RETREG1: variants seen among roughly 807,000 people sequenced by gnomAD.
RETREG1 encodes the protein family with sequence similarity 134 member B.
In RETREG1, 44 loss-of-function variants were observed where a neutral mutation model predicts 54.8. The observed-to-expected ratio is 0.80, with a 90% CI of 0.63 to 1.03. The LOEUF is 1.03. Among genes scored for constraint, RETREG1 ranks in the 50% least tolerant of loss-of-function variants. The pLI is 0.00. For synonymous variants in RETREG1, 217 were observed against 238.5 expected (o/e 0.91, Z 0.83); for missense variants, 554 against 605.1 (o/e 0.92, Z 0.89).
chr5:16,528,042 C>T (rs1460327596), intron 3 of RETREG1, among the ~76,000 whole-genome samples: 1 of 151,870 alleles, frequency 6.6e-6, no homozygotes, highest in Admixed American at 6.6e-5. Flanking sequence ...ATCTCTTGAC[C>T]TCGTGATCCG....
chr5:16,532,721 T>A (rs1740949317), intron 3 of RETREG1, among the ~76,000 whole-genome samples: 1 of 152,222 alleles, frequency 6.6e-6, no homozygotes, highest in Non-Finnish European at 1.5e-5. Context: ...CAAGCTAGGT[T>A]CCTTCATTGT....
At chr5:16,567,813 TA>T (rs1742058993) in intron 2 of RETREG1, among the ~76,000 whole-genome samples, 1 of 151,802 alleles carries the variant, frequency 6.6e-6, no homozygotes, top group Non-Finnish European at 1.5e-5. Flanking sequence ...AAAAGAAAAT[TA>T]GCCAAGTGTG....
At chr5:16,531,601 T>C (rs1461504060) in intron 3 of RETREG1, among the ~76,000 whole-genome samples, 1 of 151,988 alleles carries the variant, frequency 6.6e-6, no homozygotes, top group African/African-American at 2.4e-5. Flanking sequence ...CTTGGAGGTC[T>C]GGGGGGTGGC....
chr5:16,542,498 A>C (rs1403201751), intron 3 of RETREG1, among the ~76,000 whole-genome samples: 2 of 152,328 alleles, frequency 1.3e-5, no homozygotes, highest in East Asian at 3.9e-4. Flanking sequence ...TTTTCCTCCA[A>C]CCAACCACCT....
chr5:16,475,125 G>T lies in RETREG1; in HGVS notation c.1110C>A (p.Pro370=). 1 of 1,613,896 alleles carries T rather than the reference G, an allele frequency of 6.2e-7. No homozygotes were observed. The highest frequency in any genetic ancestry group is 1.7e-5 in the Admixed American group (1 of 59,932). ...NDEDELSLGL[P]TELKRKKEQL... Reference sequence around the variant, plus strand: ...GTTCCTTCTTTCTCTTGAGCTCAGTGGGCAAACCAAGGCTTAATTCATCTT... The same window carrying T: ...GTTCCTTCTTTCTCTTGAGCTCAGTTGGCAAACCAAGGCTTAATTCATCTT... The change falls in exon 9 of 9, where the codon CCC becomes CCA. Residue 370 remains proline, a synonymous_variant. Transcript: ENST00000306320.
chr5:16,577,125 A>T (rs1401714943), intron 1 of RETREG1, among the ~76,000 whole-genome samples: 1 of 152,038 alleles, frequency 6.6e-6, no homozygotes, highest in African/African-American at 2.4e-5. Context: ...AGTGTCCTGG[A>T]CCCTTATAGG....
At position 16,569,660 on chromosome 5, in the gene RETREG1, G is replaced by T. The variant is rs188088793; in HGVS notation, c.427+2336C>A. Among the ~76,000 whole-genome samples, 75 of 152,348 alleles carry T rather than the reference G, an allele frequency of 4.9e-4. 2 individuals carry two copies. The highest frequency in any genetic ancestry group is 4.3e-3 in the Admixed American group (66 of 15,306). The stretch of plus-strand genomic sequence containing the variant: ...CCATTTCACAGGACAGAGAGGTTCA[G>T]ATGGTATAGGAGGCTGACTCATAGC... On this transcript the variant is annotated intron_variant, in intron 2 of 8. Transcript: ENST00000306320.
chr5:16,525,012 A>C (rs1038580450), intron 3 of RETREG1, among the ~76,000 whole-genome samples: 1 of 151,638 alleles, frequency 6.6e-6, no homozygotes, highest in African/African-American at 2.4e-5. Context: ...CTGCAGGTGG[A>C]TGTGCGTGGG....
At chr5:16,489,044 C>T (rs1304093529) in intron 3 of RETREG1, among the ~76,000 whole-genome samples, 9 of 137,054 alleles carry the variant, frequency 6.6e-5, no homozygotes, top group Non-Finnish European at 1.1e-4. Flanking sequence ...GATAGCGCCA[C>T]TGCACTCCAG....
intron 3 of RETREG1, among the ~76,000 whole-genome samples, chr5:16,536,293 G>T (rs1273825827): frequency 2.0e-5 from 3 of 152,180 alleles, no homozygotes; most frequent in East Asian, 1.9e-4. Flanking sequence ...CCTAGAGGTG[G>T]CCTTGAAAGC....
intron 3 of RETREG1, among the ~76,000 whole-genome samples, chr5:16,504,315 T>G (rs1440451186): frequency 2.0e-5 from 3 of 152,246 alleles, no homozygotes; most frequent in Non-Finnish European, 2.9e-5. Flanking sequence ...TGATGGGCAT[T>G]TGGGTTGATT....
At chr5:16,517,646 T>C (rs143474346) in intron 3 of RETREG1, among the ~76,000 whole-genome samples, 117 of 152,250 alleles carry the variant, frequency 7.7e-4, no homozygotes, top group African/African-American at 2.6e-3. Context: ...GTTACTGTCT[T>C]AGTTCAATTC....
chr5:16,481,141 T>C, intron 4 of RETREG1, 48 bp from the exon 5 acceptor site: 1 of 1,316,360 alleles, frequency 7.6e-7, no homozygotes, highest in Non-Finnish European at 1.1e-6. Flanking sequence ...AACACCAAGA[T>C]ATTTCGGAGC....
rs796663823 is a variant in RETREG1 at position 16,584,973 on chromosome 5, CT to C, written c.321-12872del. Among the ~76,000 whole-genome samples the C allele has an allele frequency of 5.5e-4, 81 of 147,990 alleles. 2 individuals carry two copies. Among genetic ancestry groups the C allele is most frequent in the African/African-American group, 1.7e-3 (69 of 40,248 alleles). ...CCAGGATTAAATGGAACTCAGAAGCCTTTTTTTTTTCCCTAGGGAAGTACTT... is the reference window on the plus strand; with the variant it reads ...CCAGGATTAAATGGAACTCAGAAGCCTTTTTTTTTCCCTAGGGAAGTACTT... On this transcript the variant is annotated intron_variant, in intron 1 of 8. Transcript: ENST00000306320.
intron 1 of RETREG1, among the ~76,000 whole-genome samples, chr5:16,600,036 T>A (rs1048932439): frequency 6.6e-6 from 1 of 152,138 alleles, no homozygotes; most frequent in Non-Finnish European, 1.5e-5. Context: ...GGTGTGAAGA[T>A]GTCACCCAGG....
At chr5:16,538,078 G>T (rs191464920) in intron 3 of RETREG1, among the ~76,000 whole-genome samples, 1 of 152,290 alleles carries the variant, frequency 6.6e-6, no homozygotes, top group Non-Finnish European at 1.5e-5. Flanking sequence ...GTCAAGCAGG[G>T]TTCCCAACCA....
intron 5 of RETREG1, among the ~76,000 whole-genome samples, chr5:16,480,377 T>C (rs1040196009): frequency 1.4e-4 from 21 of 152,132 alleles, no homozygotes; most frequent in Admixed American, 5.9e-4. Context: ...ATTCCTCCAA[T>C]TGATGGATGT....
At chr5:16,519,778 C>A (rs1295096376) in intron 3 of RETREG1, among the ~76,000 whole-genome samples, 1 of 152,176 alleles carries the variant, frequency 6.6e-6, no homozygotes, top group Non-Finnish European at 1.5e-5. Flanking sequence ...ATTAACAGGC[C>A]CCCTCTCCGT....
chr5:16,509,053 T>TC, intron 3 of RETREG1: 1 of 991,678 alleles, frequency 1.0e-6, no homozygotes, highest in Non-Finnish European at 1.2e-6. Context: ...TTTTTTTTTT[T>TC]TCTGGCATGA....
Sources: allele counts gnomAD v4.1 joint callset (sites outside exome capture counted in the v4.1 genomes callset), GRCh38; gene constraint gnomAD v4.1.1; transcripts MANE v1.5; gene names NCBI Gene and HGNC (gene_info 2026-07-23, HGNC 2026-07-21).